AATF: variants seen among roughly 807,000 people sequenced by gnomAD.
AATF encodes protein AATF.
AATF carries 48 observed loss-of-function variants against 63.7 expected under a neutral mutation model. The observed-to-expected ratio is 0.75, with a 90% CI of 0.60 to 0.96. The LOEUF (loss-of-function observed/expected upper bound fraction) is 0.96, where lower values mean the gene tolerates loss of function less well. Ranked by LOEUF, AATF falls within the 40% of genes least tolerant of loss-of-function variation. The probability of loss-of-function intolerance (pLI) is 0.00; values close to 1 mark genes in which losing one functional copy is unlikely to be tolerated. For synonymous variants in AATF, 258 were observed against 247.7 expected (o/e 1.04, Z -0.39); for missense variants, 639 against 685.7 (o/e 0.93, Z 0.76).
chr17:37,013,690 T>C (rs1000193057), intron 8 of AATF, among the ~76,000 whole-genome samples: 4 of 152,158 alleles, frequency 2.6e-5, no homozygotes, highest in Non-Finnish European at 4.4e-5. Flanking sequence ...CCCTCCAACA[T>C]TGAGAGCAAA....
At chr17:36,974,128 C>T (rs1390219204) in intron 4 of AATF, among the ~76,000 whole-genome samples, 2 of 151,410 alleles carry the variant, frequency 1.3e-5, no homozygotes, top group African/African-American at 2.4e-5. Flanking sequence ...ATATTTCTTC[C>T]CTAATCCTAG....
intron 4 of AATF, among the ~76,000 whole-genome samples, chr17:36,956,966 A>G (rs926710575): frequency 6.6e-6 from 1 of 151,692 alleles, no homozygotes; most frequent in Admixed American, 6.6e-5. Flanking sequence ...ACAAGAGCGA[A>G]ACTGTCCCCC....
chr17:37,047,901 C>G (rs1056278051), intron 11 of AATF, among the ~76,000 whole-genome samples: 15 of 152,096 alleles, frequency 9.9e-5, no homozygotes, highest in Admixed American at 9.2e-4. Flanking sequence ...CAGCTAGTGT[C>G]GGATTGGACA....
intron 4 of AATF, among the ~76,000 whole-genome samples, chr17:36,961,964 G>A (rs569433505): frequency 9.9e-5 from 15 of 152,136 alleles, no homozygotes; most frequent in East Asian, 3.9e-4. Flanking sequence ...CGTGAGCCAC[G>A]GTGCTGGGCC....
chr17:36,964,134 G>C (rs1292160817), intron 4 of AATF, among the ~76,000 whole-genome samples: 2 of 151,496 alleles, frequency 1.3e-5, no homozygotes, highest in Non-Finnish European at 2.9e-5. Context: ...TGGGGCATTG[G>C]ATGGTGAAGG....
intron 10 of AATF, among the ~76,000 whole-genome samples, chr17:37,031,099 G>A (rs574909745): frequency 6.6e-6 from 1 of 152,260 alleles, no homozygotes; most frequent in South Asian, 2.1e-4. Flanking sequence ...AGGGAAAAAT[G>A]TACAGTCAGC....
intron 10 of AATF, among the ~76,000 whole-genome samples, chr17:37,025,926 T>C (rs2071507492): frequency 6.6e-6 from 1 of 152,168 alleles, no homozygotes; most frequent in African/African-American, 2.4e-5. Flanking sequence ...TATTTGTCCA[T>C]TACAAAGAGA....
At chr17:37,024,892 GA>G (rs2071499701) in intron 10 of AATF, among the ~76,000 whole-genome samples, 2 of 152,138 alleles carry the variant, frequency 1.3e-5, no homozygotes, top group East Asian at 1.9e-4. Flanking sequence ...CAGAGAGGCA[GA>G]GGTTTCAGTG....
chr17:36,988,482 G>A, intron 5 of AATF, 37 bp from the exon 6 acceptor site: 2 of 1,598,882 alleles, frequency 1.3e-6, no homozygotes, highest in Non-Finnish European at 1.7e-6. Context: ...AGTAATGTTT[G>A]TTTACACTGG....
rs138499366 is a variant in AATF, at chr17:36,964,922, G to T, written c.832+11015G>T. On this transcript the variant is annotated intron_variant, in intron 4 of 11. Transcript: ENST00000619387. ...CATTGCTCTTCTGGGGAGAGCTACC[G>T]CTTTCGGGTTTTCAGGCTCTCTTTT... Among the ~76,000 whole-genome samples, 28 of 152,190 alleles carry T rather than the reference G, an allele frequency of 1.8e-4. No individual in the cohort carries two copies. In the East Asian group the frequency reaches 4.1e-3, roughly 22 times the overall value.
At chr17:37,031,174 T>C (rs2071549042) in intron 10 of AATF, among the ~76,000 whole-genome samples, 1 of 150,658 alleles carries the variant, frequency 6.6e-6, no homozygotes, top group Non-Finnish European at 1.5e-5. Flanking sequence ...TATTCAGGCA[T>C]GGGGAAAGGA....
intron 11 of AATF, among the ~76,000 whole-genome samples, chr17:37,043,553 A>G (rs1173634860): frequency 6.6e-6 from 1 of 152,206 alleles, no homozygotes; most frequent in Non-Finnish European, 1.5e-5. Context: ...CTTGCTAAGT[A>G]TGTTAACTTA....
chr17:36,964,458 G>T (rs529081729), intron 4 of AATF, among the ~76,000 whole-genome samples: 2 of 152,126 alleles, frequency 1.3e-5, no homozygotes, highest in African/African-American at 2.4e-5. Flanking sequence ...GGTGGGCCAA[G>T]ATTGCGCCAC....
intron 11 of AATF, among the ~76,000 whole-genome samples, chr17:37,037,010 G>GTTTTTTTTTTTTTT (rs374106722): frequency 7.5e-6 from 1 of 133,480 alleles, no homozygotes. Flanking sequence ...TCATCTTTTT[G>GTTTTTTTTTTTTTT]TTTTTTTTTT....
At chr17:37,007,340 A>G (rs1348727276) in intron 8 of AATF, among the ~76,000 whole-genome samples, 1 of 147,332 alleles carries the variant, frequency 6.8e-6, no homozygotes, top group Non-Finnish European at 1.5e-5. Context: ...GGTGTATGCC[A>G]CCACACCTGG....
chr17:37,021,048 A>G (rs1567986661), intron 10 of AATF, 34 bp downstream of exon 10: 7 of 1,503,150 alleles, frequency 4.7e-6, no homozygotes, highest in South Asian at 1.2e-5. Context: ...GTCAACATAT[A>G]TTGTATATGT....
chr17:36,968,588 TTTTTA>T (rs1039975348), intron 4 of AATF, among the ~76,000 whole-genome samples: 2 of 151,974 alleles, frequency 1.3e-5, no homozygotes, highest in African/African-American at 4.8e-5. Flanking sequence ...TTCTATCATA[TTTTTA>T]TTTTATTTTA....
chr17:37,014,726 AC>A (rs1254892852), intron 8 of AATF, among the ~76,000 whole-genome samples: 1 of 152,252 alleles, frequency 6.6e-6, no homozygotes, highest in Non-Finnish European at 1.5e-5. Context: ...ATTCCTTCAA[AC>A]ATTTTCTCCC....
intron 4 of AATF, among the ~76,000 whole-genome samples, chr17:36,957,099 C>G (rs534374296): frequency 1.3e-5 from 2 of 152,180 alleles, no homozygotes; most frequent in African/African-American, 4.8e-5. Flanking sequence ...CCCAGAACAA[C>G]CACTGGAACT....
Sources: gnomAD v4.1 joint callset for allele counts (sites outside exome capture counted in the v4.1 genomes callset) on GRCh38, gnomAD v4.1.1 for gene constraint, MANE v1.5 for transcripts, NCBI Gene and HGNC (gene_info 2026-07-23, HGNC 2026-07-21) for gene names.